The following DNAH17 variants were observed in gnomAD, a reference collection of about 807,000 sequenced individuals.
DNAH17 encodes dynein axonemal heavy chain 17, also known as axonemal beta dynein heavy chain 17.
A neutral mutation model predicts 485.6 loss-of-function variants in DNAH17; 376 were observed. The observed-to-expected ratio is 0.77, with a 90% CI of 0.71 to 0.84. The LOEUF is 0.84. DNAH17 is among the 40% of genes least tolerant of loss of function. The probability of loss-of-function intolerance (pLI) is 0.00; values close to 1 mark genes in which losing one functional copy is unlikely to be tolerated. For synonymous variants in DNAH17, 3,031 were observed against 2,405.9 expected, an observed-to-expected ratio of 1.26 and a Z score of -7.60; for missense variants, 6,370 against 5,839.3, an observed-to-expected ratio of 1.09 and a Z score of -2.96.
At chr17:78,480,521 C>G (rs1041959468) in intron 49 of DNAH17, among the ~76,000 whole-genome samples, 163 bp downstream of exon 49, 1 of 152,190 alleles carries the variant, frequency 6.6e-6, no homozygotes, top group Non-Finnish European at 1.5e-5. Flanking sequence ...CTCATCCTCT[C>G]CATGCCCTGG....
intron 37 of DNAH17, chr17:78,498,791 C>G: frequency 2.4e-6 from 1 of 410,264 alleles, no homozygotes; most frequent in Non-Finnish European, 4.3e-6. Flanking sequence ...ACGTTTGCTA[C>G]CATACATGTA....
At chr17:78,455,402 T>G (rs1267063268) in intron 63 of DNAH17, among the ~76,000 whole-genome samples, 1 of 151,824 alleles carries the variant, frequency 6.6e-6, no homozygotes, top group Non-Finnish European at 1.5e-5. Flanking sequence ...CTCTGCTCAC[T>G]GCAACCTCCG....
At chr17:78,487,583 G>A (rs1323641834) in intron 44 of DNAH17, among the ~76,000 whole-genome samples, 1 of 152,132 alleles carries the variant, frequency 6.6e-6, no homozygotes, top group Non-Finnish European at 1.5e-5. Flanking sequence ...GTAGTGCAGG[G>A]GTGCGATCTC....
chr17:78,554,567 G>A (rs1255537387), intron 14 of DNAH17, among the ~76,000 whole-genome samples: 1 of 150,076 alleles, frequency 6.7e-6, no homozygotes, highest in Non-Finnish European at 1.5e-5. Flanking sequence ...ACAAACAAGG[G>A]AGAAGTTTTC....
chr17:78,453,323 C>A lies in DNAH17; in HGVS notation c.10529+20G>T. 1 of 1,611,004 alleles carries A rather than the reference C, an allele frequency of 6.2e-7. No homozygotes were observed. The highest frequency in any genetic ancestry group is 1.3e-5 in the African/African-American group (1 of 75,022). On this transcript the variant is annotated intron_variant, in intron 65 of 80. Coordinates refer to ENST00000389840, the MANE Select transcript of DNAH17 (RefSeq NM_173628.4). ...GAAGATGTTTACCTGGCTCAAGCCA[C>A]GGAGGCGGAAACAACTCACTTTCCC...
chr17:78,560,649 G>T, intron 13 of DNAH17, 91 bp downstream of exon 13: 3 of 1,319,682 alleles, frequency 2.3e-6, no homozygotes, highest in South Asian at 1.5e-5. Flanking sequence ...TATAAACATC[G>T]ACCTCCATAA....
At chr17:78,540,451 G>GGA (rs2091499962) in intron 17 of DNAH17, among the ~76,000 whole-genome samples, 1 of 15,264 alleles carries the variant, frequency 6.6e-5, no homozygotes, top group Admixed American at 6.5e-4. Flanking sequence ...GGATGGATGG[G>GGA]TGGGTGGGTG....
chr17:78,484,751 G>GCCCCCCCCCCCCCCCCCCC, intron 48 of DNAH17, 117 bp downstream of exon 48: 1 of 135,818 alleles, frequency 7.4e-6, no homozygotes, highest in Non-Finnish European at 1.2e-5. Flanking sequence ...CCCCCCCACC[G>GCCCCCCCCCCCCCCCCCCC]CCCCACACCA....
chr17:78,453,301 G>A (rs767176363), intron 65 of DNAH17, 42 bp downstream of exon 65: 3 of 1,605,798 alleles, frequency 1.9e-6, no homozygotes, highest in Admixed American at 1.7e-5. Flanking sequence ...CGGGCCTGAA[G>A]ATGTTTACCT....
rs1051926376 is a variant in DNAH17, at chr17:78,561,999, G to A, written c.1570-19C>T. On this transcript the variant is annotated intron_variant, in intron 11 of 80. Coordinates refer to ENST00000389840, the MANE Select transcript of DNAH17 (RefSeq NM_173628.4). ...ACAGGAGCTGAGGACAAAGGAGAAG[G>A]GGGCCTCTTCACCACAGTCTCCTCC... The A allele has an allele frequency of 6.4e-7, 1 of 1,555,626 alleles. No individual in the cohort carries two copies. The highest frequency in any genetic ancestry group is 1.4e-5 in the African/African-American group (1 of 73,156).
intron 14 of DNAH17, among the ~76,000 whole-genome samples, chr17:78,554,777 C>T (rs566621365): frequency 7.9e-5 from 12 of 152,248 alleles, no homozygotes; most frequent in Admixed American, 2.6e-4. Context: ...GACGGAGTCT[C>T]GCTCTGCCAC....
intron 13 of DNAH17, among the ~76,000 whole-genome samples, chr17:78,559,533 C>T (rs1476718556): frequency 6.6e-6 from 1 of 152,240 alleles, no homozygotes; most frequent in African/African-American, 2.4e-5. Flanking sequence ...ACTCTGGTTC[C>T]AGCCACCACC....
Position 78,501,179 on chromosome 17 carries a change from C to A in DNAH17, c.5483+5G>T. ...ACATGTGAGTTACTCAGGGACGGGCCTCACCTGTCAGTGAGTGGGGTGATG... is the reference window on the plus strand; with the variant it reads ...ACATGTGAGTTACTCAGGGACGGGCATCACCTGTCAGTGAGTGGGGTGATG... On this transcript the variant is annotated splice_donor_5th_base_variant and intron_variant, in intron 35 of 80. Coordinates refer to ENST00000389840, the MANE Select transcript of DNAH17 (RefSeq NM_173628.4). The A allele has an allele frequency of 6.4e-7, 1 of 1,571,778 alleles. No individual in the cohort carries two copies.
rs76030430 is a variant in DNAH17 at position 78,449,819 on chromosome 17, G to A, written c.11041-235C>T. 4,425 of 516,144 alleles carry A rather than the reference G, an allele frequency of 8.6e-3. 158 individuals are homozygous for A. Among genetic ancestry groups the A allele is most frequent in the African/African-American group, 0.071 (3,683 of 52,006 alleles). The allele number at this position is 516,144 out of a possible 1,614,324, so 32.0% of individuals were successfully genotyped here. On this transcript the variant is annotated intron_variant, in intron 68 of 80. Transcript: ENST00000389840. ...TTCTCCTGCCTCAGCCTCCCAAGGC[G>A]CACACCACCACACCTGGCTAATTTT...
At chr17:78,446,139 G>A (rs151039169) in intron 69 of DNAH17, among the ~76,000 whole-genome samples, 2,524 of 116,026 alleles carry the variant, frequency 0.022, 32 homozygotes, top group Admixed American at 0.033. Context: ...ACGCCACTGC[G>A]CTCTAGCCTG....
rs1359842437 is a variant in DNAH17 at position 78,485,703 on chromosome 17, G to A, written c.7330C>T (p.Leu2444Phe). 2 of 1,614,040 alleles carry A rather than the reference G, an allele frequency of 1.2e-6. No individual in the cohort carries two copies. Among genetic ancestry groups the A allele is most frequent in the Admixed American group, 1.7e-5 (1 of 60,030 alleles). The stretch of plus-strand genomic sequence containing the variant: ...ATCACCGGCCAGGACTTCTCCATGA[G>A]CAGGTCCATGAAGTAGCGGATGCGG... Reference protein sequence around the residue: ...TIRIRYFMDLLMEKSWPVMLV... With the variant: ...TIRIRYFMDLFMEKSWPVMLV... Residue 2444 changes from leucine (L) to phenylalanine (F), a missense_variant, in exon 47 of 81, where the codon CTC (leucine) becomes TTC (phenylalanine). Transcript: ENST00000389840.
rs1203459316 is a variant in DNAH17 at position 78,445,551 on chromosome 17, G to C, written c.11334+7C>G. On this transcript the variant is annotated splice_region_variant and intron_variant, in intron 70 of 80. Coordinates refer to ENST00000389840, the MANE Select transcript of DNAH17 (RefSeq NM_173628.4). ...AAGCACAACGTGTTCAACGTCTAAA[G>C]ACGAACCTTGATCCCGCCCCAGCCT... 6 of 1,560,632 alleles carry C rather than the reference G, an allele frequency of 3.8e-6. No homozygotes were observed. In the South Asian group the frequency reaches 7.1e-5, roughly 18 times the overall value.
At position 78,426,461 on chromosome 17, in the gene DNAH17, A is replaced by ATGCGGAGCAGCAGGTC; in HGVS notation, c.12895_12910dup (p.Ile4304ArgfsTer95). 2 of 1,600,346 alleles carry ATGCGGAGCAGCAGGTC rather than the reference A, an allele frequency of 1.2e-6. No individual in the cohort carries two copies. The highest frequency in any genetic ancestry group is 1.7e-6 in the Non-Finnish European group (2 of 1,173,868). ...CTCAGAGAAAACGGCACTTACCCTGATGCGGAGCAGCAGGTCTGCGTACCA... is the reference window on the plus strand; with the variant it reads ...CTCAGAGAAAACGGCACTTACCCTGATGCGGAGCAGCAGGTCTGCGGAGCAGCAGGTCTGCGTACCA... On this transcript the variant is annotated frameshift_variant, in exon 79 of 81. Coordinates refer to ENST00000389840, the MANE Select transcript of DNAH17 (RefSeq NM_173628.4). LOFTEE classifies it high-confidence loss of function.
chr17:78,568,858 AGTGACTGCT>A lies in DNAH17; in HGVS notation c.1284+299_1284+307del, dbSNP rs956227008. 2.9e-3 allele frequency among the ~76,000 whole-genome samples: 446 copies of A among 152,312 alleles called. 2 individuals carry two copies. Among genetic ancestry groups the A allele is most frequent in the African/African-American group, 0.01 (435 of 41,566 alleles). ...CATTTGTAATAATTGAGTCCCACTA[AGTGACTGCT>A]GTTGGCCCCCAGGCGTCCTGAACGT... On this transcript the variant is annotated intron_variant, in intron 9 of 80. Transcript: ENST00000389840.
Sources: gnomAD v4.1 joint callset for allele counts (sites outside exome capture counted in the v4.1 genomes callset) on GRCh38, gnomAD v4.1.1 for gene constraint, MANE v1.5 for transcripts, NCBI Gene and HGNC (gene_info 2026-07-23, HGNC 2026-07-21) for gene names.